Variants in RORA observed in about 807,000 individuals in gnomAD.
RORA encodes the protein nuclear receptor ROR-alpha.
RORA carries 7 observed loss-of-function variants against 69.5 expected under a neutral mutation model. That is an observed-to-expected ratio of 0.10 (90% CI 0.06 to 0.19). RORA has a LOEUF of 0.19. Ranked by LOEUF, RORA falls within the 10% of genes least tolerant of loss-of-function variation. The pLI, the probability that RORA is intolerant of heterozygous loss-of-function variation, is 1.00. For synonymous variants in RORA, 261 were observed against 240.8 expected, an observed-to-expected ratio of 1.08 and a Z score of -0.78; for missense variants, 457 against 663.0, an observed-to-expected ratio of 0.69 and a Z score of 3.41.
intron 1 of RORA, among the ~76,000 whole-genome samples, chr15:60,706,949 A>C (rs1008556839): frequency 6.6e-6 from 1 of 152,250 alleles, no homozygotes. Flanking sequence ...GATAATAAAT[A>C]GTTTCTGATT....
At chr15:60,853,447 G>C (rs1379966605) in intron 1 of RORA, among the ~76,000 whole-genome samples, 1 of 152,198 alleles carries the variant, frequency 6.6e-6, no homozygotes, top group Non-Finnish European at 1.5e-5. Context: ...GAGTCACAAG[G>C]CATAAAACGA....
Position 60,613,527 on chromosome 15 carries a change from C to T in RORA, c.196+65130G>A, listed in dbSNP as rs368054003. Among the ~76,000 whole-genome samples the T allele has an allele frequency of 1.3e-3, 194 of 152,178 alleles. No individual in the cohort carries two copies. In the East Asian group the frequency reaches 0.016, roughly 12 times the overall value. The stretch of plus-strand genomic sequence containing the variant: ...CTGTGAGGGTAATAGTACCTTTCCA[C>T]GGGGTTGTTCTACGATTCAAATACA... On this transcript the variant is annotated intron_variant, in intron 2 of 10. Coordinates refer to ENST00000335670, the MANE Select transcript of RORA (RefSeq NM_134261.3).
chr15:60,536,073 A>G (rs778322453), intron 2 of RORA, among the ~76,000 whole-genome samples: 11 of 152,190 alleles, frequency 7.2e-5, no homozygotes, highest in Non-Finnish European at 1.0e-4. Context: ...CACTGATCTC[A>G]GTTTCACAAA....
At chr15:60,794,540 G>GCCAAAGCTTGCTTTTAGATAT (rs1405391272) in intron 1 of RORA, among the ~76,000 whole-genome samples, 1 of 152,154 alleles carries the variant, frequency 6.6e-6, no homozygotes, top group Non-Finnish European at 1.5e-5. Context: ...ATACCACTGA[G>GCCAAAGCTTGCTTTTAGATAT]CCAAAGCTTG....
chr15:61,201,315 T>C (rs1291389706), intron 1 of RORA, among the ~76,000 whole-genome samples: 1 of 152,218 alleles, frequency 6.6e-6, no homozygotes, highest in Non-Finnish European at 1.5e-5. Context: ...CAGTTTCTTG[T>C]ATCCCAAGGT....
At chr15:60,767,494 G>A (rs1358365227) in intron 1 of RORA, among the ~76,000 whole-genome samples, 1 of 152,170 alleles carries the variant, frequency 6.6e-6, no homozygotes, top group African/African-American at 2.4e-5. Flanking sequence ...GACGATAGAG[G>A]AGTTGGGTGT....
chr15:60,776,230 C>G (rs184196925), intron 1 of RORA, among the ~76,000 whole-genome samples: 2 of 152,328 alleles, frequency 1.3e-5, no homozygotes, highest in East Asian at 1.9e-4. Context: ...TTTCTCTCCC[C>G]GCCACTCTTA....
chr15:61,138,712 C>T (rs1422205957), intron 1 of RORA, among the ~76,000 whole-genome samples: 2 of 151,790 alleles, frequency 1.3e-5, no homozygotes, highest in Admixed American at 6.6e-5. Flanking sequence ...CTGTGCCCCT[C>T]GGGACATCAA....
intron 1 of RORA, among the ~76,000 whole-genome samples, chr15:60,900,956 G>A (rs553288519): frequency 6.6e-6 from 1 of 152,252 alleles, no homozygotes; most frequent in East Asian, 1.9e-4. Context: ...TACATGTAAA[G>A]TATCTGCCCC....
intron 1 of RORA, among the ~76,000 whole-genome samples, chr15:61,133,615 A>T (rs1479999830): frequency 6.6e-6 from 1 of 152,172 alleles, no homozygotes; most frequent in Admixed American, 6.5e-5. Flanking sequence ...GAGGGCCCAG[A>T]CAGACAAAAG....
At chr15:60,736,893 G>A (rs577776645) in intron 1 of RORA, 2 of 152,184 alleles carry the variant, frequency 1.3e-5, no homozygotes, top group East Asian at 3.9e-4. Flanking sequence ...GGAACATAGC[G>A]GTGAGAATTC....
intron 1 of RORA, among the ~76,000 whole-genome samples, chr15:61,057,530 A>G (rs1188372615): frequency 6.6e-6 from 1 of 152,316 alleles, no homozygotes; most frequent in African/African-American, 2.4e-5. Flanking sequence ...AGCTCATAAC[A>G]CTGACATGTC....
intron 2 of RORA, among the ~76,000 whole-genome samples, chr15:60,584,386 A>G (rs2068272704): frequency 6.6e-6 from 1 of 152,228 alleles, no homozygotes; most frequent in Non-Finnish European, 1.5e-5. Context: ...ATCCAGTTAC[A>G]TTAACATTTC....
intron 1 of RORA, chr15:61,214,379 G>A (rs778434244): frequency 1.6e-4 from 24 of 152,110 alleles, no homozygotes; most frequent in Non-Finnish European, 2.6e-4. Flanking sequence ...AAATCCTTGC[G>A]GGGTTTAAAA....
chr15:61,152,483 ATATAT>A (rs1054970848), intron 1 of RORA, among the ~76,000 whole-genome samples: 1 of 150,188 alleles, frequency 6.7e-6, no homozygotes, highest in African/African-American at 2.4e-5. Flanking sequence ...ACATAATCAT[ATATAT>A]TATAAAATAT....
intron 1 of RORA, among the ~76,000 whole-genome samples, chr15:60,785,585 T>G (rs748241154): frequency 2.0e-5 from 3 of 152,352 alleles, no homozygotes; most frequent in South Asian, 2.1e-4. Flanking sequence ...AAGTCAGGTC[T>G]CTCGTCTGTC....
At position 61,059,295 on chromosome 15, in the gene RORA, C is replaced by T. The variant is rs542257632; in HGVS notation, c.166+169758G>A. 1.7e-4 allele frequency among the ~76,000 whole-genome samples: 26 copies of T among 152,348 alleles called. 1 individual carries two copies. The South Asian group carries it at 5.0e-3, about 29-fold the overall frequency. ...GTAATAGAGTCAAAACAACCAAGATCCTTGCCTACTGAGAGAAACATAAGA... is the reference window on the plus strand; with the variant it reads ...GTAATAGAGTCAAAACAACCAAGATTCTTGCCTACTGAGAGAAACATAAGA... On this transcript the variant is annotated intron_variant, in intron 1 of 10. Coordinates refer to ENST00000335670, the MANE Select transcript of RORA (RefSeq NM_134261.3).
chr15:60,627,931 C>G (rs2069635127), intron 2 of RORA, among the ~76,000 whole-genome samples: 1 of 152,066 alleles, frequency 6.6e-6, no homozygotes, highest in South Asian at 2.1e-4. Context: ...GGAGTATAAG[C>G]TTATAGAGAG....
In RORA at chr15:60,531,910, G is replaced by T. The variant is rs1028895891; in HGVS notation, c.197-59C>A. On this transcript the variant is annotated intron_variant, in intron 2 of 10. Transcript: ENST00000335670. This position sits in a 1 kb window ranked among gnomAD's most constrained non-coding sequence, Gnocchi z 4.8. ...TTTCTTTTAAACACCTTATAAAAGC[G>T]TTCCCTGATCAGCATTTGTATAGTG... 5.1e-6 allele frequency: 5 copies of T among 979,166 alleles called. No individual in the cohort carries two copies. The highest frequency in any genetic ancestry group is 7.9e-6 in the Non-Finnish European group (5 of 632,156). The allele number at this position is 979,166 out of a possible 1,614,324, so 60.7% of individuals were successfully genotyped here.
Sources: gnomAD v4.1 joint callset for allele counts (sites outside exome capture counted in the v4.1 genomes callset) on GRCh38, gnomAD v4.1.1 for gene constraint, Gnocchi (gnomAD v3.1) non-coding constraint, MANE v1.5 for transcripts, NCBI Gene and HGNC (gene_info 2026-07-23, HGNC 2026-07-21) for gene names.